The following UNC5D variants were observed in gnomAD, a reference collection of about 807,000 sequenced individuals.
UNC5D encodes the protein unc-5 netrin receptor D, also known as netrin receptor UNC5D.
Under a neutral mutation model 105.4 loss-of-function variants are expected in UNC5D, and 39 were observed. The observed-to-expected ratio is 0.37, with a 90% CI of 0.29 to 0.48. The LOEUF (loss-of-function observed/expected upper bound fraction) is 0.48. Ranked by LOEUF, UNC5D falls within the 20% of genes least tolerant of loss-of-function variation. The pLI is 0.98. For missense variants in UNC5D, 991 were observed against 1,202.4 expected, an observed-to-expected ratio of 0.82 and a Z score of 2.60; for synonymous variants, 452 against 450.4, an observed-to-expected ratio of 1.00 and a Z score of -0.04.
At chr8:35,269,943 C>A (rs1002702744) in intron 1 of UNC5D, among the ~76,000 whole-genome samples, 2 of 152,162 alleles carry the variant, frequency 1.3e-5, no homozygotes, top group Non-Finnish European at 1.5e-5. Context: ...GATGGCATCC[C>A]CCAGCCACTA....
intron 1 of UNC5D, among the ~76,000 whole-genome samples, chr8:35,260,978 C>A (rs368943587): frequency 4.6e-5 from 7 of 152,124 alleles, no homozygotes; most frequent in African/African-American, 1.4e-4. Context: ...ACACACTTTG[C>A]CATTTCAGTG....
chr8:35,476,359 A>C (rs1810100630), intron 1 of UNC5D, among the ~76,000 whole-genome samples: 1 of 152,214 alleles, frequency 6.6e-6, no homozygotes, highest in Non-Finnish European at 1.5e-5. Flanking sequence ...TTTGAGTATT[A>C]GTCCATTCAT....
intron 1 of UNC5D, among the ~76,000 whole-genome samples, chr8:35,449,976 C>A (rs1471594751): frequency 6.6e-6 from 1 of 152,096 alleles, no homozygotes; most frequent in East Asian, 1.9e-4. Context: ...TCTTCTTTAT[C>A]CACAAAGCCT....
intron 1 of UNC5D, among the ~76,000 whole-genome samples, chr8:35,471,046 C>G (rs1215717541): frequency 6.6e-6 from 1 of 152,110 alleles, no homozygotes; most frequent in Non-Finnish European, 1.5e-5. Flanking sequence ...TCTCAGCACT[C>G]AAACCTGACT....
chr8:35,718,361 G>A (rs1828375425), intron 8 of UNC5D, among the ~76,000 whole-genome samples: 1 of 152,204 alleles, frequency 6.6e-6, no homozygotes, highest in African/African-American at 2.4e-5. Flanking sequence ...AAACAAACCA[G>A]CCACACTGTA....
intron 1 of UNC5D, among the ~76,000 whole-genome samples, chr8:35,509,275 CAAAGA>C (rs1812534291): frequency 6.6e-6 from 1 of 151,566 alleles, no homozygotes; most frequent in South Asian, 2.1e-4. Flanking sequence ...GTGCACCAAT[CAAAGA>C]AAATAGGTTT....
Position 35,316,381 on chromosome 8 carries a change from G to A in UNC5D, c.103+80494G>A, listed in dbSNP as rs191097087. On this transcript the variant is annotated intron_variant, in intron 1 of 16. Coordinates refer to ENST00000404895, the MANE Select transcript of UNC5D (RefSeq NM_080872.4). ...AGTTGACAATGGAGATGAGAAAGGG[G>A]CTTACTGAATATATTTGCTAATTGA... 1.1e-3 allele frequency among the ~76,000 whole-genome samples: 167 copies of A among 152,166 alleles called. 1 individual carries two copies. The highest frequency in any genetic ancestry group is 2.0e-3 in the Non-Finnish European group (134 of 68,020).
At chr8:35,746,078 G>T (rs1317938596) in intron 11 of UNC5D, among the ~76,000 whole-genome samples, 1 of 151,384 alleles carries the variant, frequency 6.6e-6, no homozygotes, top group Non-Finnish European at 1.5e-5. Flanking sequence ...GGACTATATT[G>T]TAACCCCCTT....
intron 1 of UNC5D, among the ~76,000 whole-genome samples, chr8:35,248,315 A>ATATGTTATATAAAATATATAATATATAAG (rs1803340707): frequency 2.5e-5 from 1 of 40,072 alleles, no homozygotes; most frequent in Non-Finnish European, 4.4e-5. Context: ...TAATATATAA[A>ATATGTTATATAAAATATATAATATATAAG]TATATGTTAT....
chr8:35,432,493 T>C (rs574129334), intron 1 of UNC5D, among the ~76,000 whole-genome samples: 61 of 152,162 alleles, frequency 4.0e-4, no homozygotes, highest in Non-Finnish European at 8.1e-4. Flanking sequence ...TTCACTCTTA[T>C]CAATAAACTT....
At chr8:35,382,673 T>C (rs894907899) in intron 1 of UNC5D, among the ~76,000 whole-genome samples, 5 of 152,144 alleles carry the variant, frequency 3.3e-5, no homozygotes, top group Admixed American at 6.5e-5. Context: ...GGTTTTTGCT[T>C]TGTAGATTTA....
chr8:35,314,172 G>A (rs971162991), intron 1 of UNC5D, among the ~76,000 whole-genome samples: 4 of 152,130 alleles, frequency 2.6e-5, no homozygotes, highest in African/African-American at 4.8e-5. Flanking sequence ...AAAAGCAAGC[G>A]ATTCCAAACT....
intron 16 of UNC5D, among the ~76,000 whole-genome samples, chr8:35,775,457 G>A (rs1802202210): frequency 6.6e-6 from 1 of 152,176 alleles, no homozygotes; most frequent in Admixed American, 6.5e-5. Context: ...GGCCAGGCAG[G>A]TTTGGGCTCA....
chr8:35,551,061 T>G (rs368045800), intron 2 of UNC5D, among the ~76,000 whole-genome samples: 2 of 152,080 alleles, frequency 1.3e-5, no homozygotes, highest in African/African-American at 4.8e-5. Flanking sequence ...GGTATTTTGG[T>G]TCTGGTGATC....
At chr8:35,566,946 A>G (rs549458268) in intron 2 of UNC5D, among the ~76,000 whole-genome samples, 3 of 152,238 alleles carry the variant, frequency 2.0e-5, no homozygotes, top group East Asian at 1.9e-4. Context: ...CATCCTTGGT[A>G]CAGGACGACT....
At chr8:35,525,104 G>C in intron 1 of UNC5D, 26 of 1,529,754 alleles carry the variant, frequency 1.7e-5, no homozygotes, top group Non-Finnish European at 2.3e-5. Context: ...CCCTCCCCCG[G>C]CCTGCCTCCG....
rs374687160 is a variant in UNC5D at position 35,380,177 on chromosome 8, C to T, written c.103+144290C>T. Among the ~76,000 whole-genome samples the T allele has an allele frequency of 5.1e-4, 60 of 116,950 alleles. No homozygotes were observed. The South Asian group carries it at 7.8e-3, about 15-fold the overall frequency. 76.7% of individuals were successfully genotyped at this position (116,950 alleles called of 152,430 possible). A position where few individuals can be genotyped will look rare whatever the true frequency, so the allele number is the denominator to read the frequency against. ...CGAGAGGGAGAGACAGAGACCAAGA[C>T]GGAGAGACAGAGACCGAGAGGGAGA... On this transcript the variant is annotated intron_variant, in intron 1 of 16. Transcript: ENST00000404895.
At chr8:35,303,802 T>C (rs1808140057) in intron 1 of UNC5D, among the ~76,000 whole-genome samples, 1 of 152,166 alleles carries the variant, frequency 6.6e-6, no homozygotes, top group South Asian at 2.1e-4. Flanking sequence ...TAGTTCTTAG[T>C]TAATCTTAGT....
At chr8:35,551,440 T>C (rs967833806) in intron 2 of UNC5D, among the ~76,000 whole-genome samples, 13 of 151,888 alleles carry the variant, frequency 8.6e-5, no homozygotes. Flanking sequence ...AGAGGAAGGG[T>C]CAACTAGGTC....
Sources: allele counts gnomAD v4.1 joint callset (sites outside exome capture counted in the v4.1 genomes callset), GRCh38; gene constraint gnomAD v4.1.1; transcripts MANE v1.5; gene names NCBI Gene and HGNC (gene_info 2026-07-23, HGNC 2026-07-21).